The following MCOLN2 variants were observed in gnomAD, a reference collection of about 807,000 sequenced individuals.
MCOLN2 encodes the protein mucolipin TRP cation channel 2.
In MCOLN2, 57 loss-of-function variants were observed where a neutral mutation model predicts 67.5. The ratio of observed to expected loss-of-function variants is 0.84; its 90% CI spans 0.68 to 1.05. The LOEUF is 1.05. MCOLN2 is among the 50% of genes least tolerant of loss of function. The probability of loss-of-function intolerance (pLI) is 0.00; values close to 1 mark genes in which losing one functional copy is unlikely to be tolerated. For synonymous variants in MCOLN2, 246 were observed against 233.3 expected, an observed-to-expected ratio of 1.05 and a Z score of -0.50; for missense variants, 620 against 678.8, an observed-to-expected ratio of 0.91 and a Z score of 0.96.
At chr1:84,965,110 T>C (rs1649307120) in intron 2 of MCOLN2, among the ~76,000 whole-genome samples, 1 of 152,168 alleles carries the variant, frequency 6.6e-6, no homozygotes, top group African/African-American at 2.4e-5. Context: ...AAATGTAGCT[T>C]TTGTATAATC....
intron 1 of MCOLN2, among the ~76,000 whole-genome samples, chr1:84,969,223 T>C (rs1020016382): frequency 1.3e-5 from 2 of 152,126 alleles, no homozygotes; most frequent in Non-Finnish European, 2.9e-5. Context: ...TAGCAAATCA[T>C]TCAAACCCAA....
At chr1:84,948,161 C>T (rs987635910) in intron 6 of MCOLN2, among the ~76,000 whole-genome samples, 1 of 152,228 alleles carries the variant, frequency 6.6e-6, no homozygotes, top group Non-Finnish European at 1.5e-5. Context: ...ACCAGCTGGG[C>T]AGCAATTGCC....
chr1:84,979,817 C>A (rs1328413037), intron 1 of MCOLN2, among the ~76,000 whole-genome samples: 2 of 152,072 alleles, frequency 1.3e-5, no homozygotes, highest in Non-Finnish European at 2.9e-5. Context: ...ACTGGAAGTT[C>A]TAGCTAGAGC....
chr1:84,951,551 G>A (rs1055070195), intron 6 of MCOLN2, among the ~76,000 whole-genome samples: 40 of 152,170 alleles, frequency 2.6e-4, no homozygotes, highest in African/African-American at 8.9e-4. Flanking sequence ...TTTATGCCTC[G>A]AGGTTTGAAA....
At chr1:84,977,082 G>A (rs1650024569) in intron 1 of MCOLN2, among the ~76,000 whole-genome samples, 1 of 151,774 alleles carries the variant, frequency 6.6e-6, no homozygotes, top group Non-Finnish European at 1.5e-5. Context: ...ACAACAAAAA[G>A]TTTAATAGTT....
intron 8 of MCOLN2, among the ~76,000 whole-genome samples, chr1:84,940,542 A>G (rs1030426428): frequency 5.3e-5 from 8 of 152,216 alleles, no homozygotes; most frequent in African/African-American, 1.9e-4. Flanking sequence ...AAACCCACAC[A>G]TGCTATTACT....
chr1:84,980,345 A>C (rs1416319345), intron 1 of MCOLN2, among the ~76,000 whole-genome samples: 1 of 152,190 alleles, frequency 6.6e-6, no homozygotes, highest in Non-Finnish European at 1.5e-5. Context: ...CAAAGAACCC[A>C]GAATAGTCAA....
At chr1:84,941,362 T>C (rs1647770885) in intron 7 of MCOLN2, among the ~76,000 whole-genome samples, 1 of 152,110 alleles carries the variant, frequency 6.6e-6, no homozygotes, top group South Asian at 2.1e-4. Flanking sequence ...CCAGGTGTGG[T>C]GGCAGGCGCC....
At chr1:84,972,632 A>G (rs1243592039) in intron 1 of MCOLN2, among the ~76,000 whole-genome samples, 1 of 152,210 alleles carries the variant, frequency 6.6e-6, no homozygotes, top group African/African-American at 2.4e-5. Flanking sequence ...AATCAGGACT[A>G]TGAGGTTGGC....
intron 1 of MCOLN2, among the ~76,000 whole-genome samples, chr1:84,979,591 T>G (rs1650158928): frequency 6.6e-6 from 1 of 152,204 alleles, no homozygotes; most frequent in East Asian, 1.9e-4. Flanking sequence ...TCATTTCAAT[T>G]GATGCTGAAA....
intron 7 of MCOLN2, among the ~76,000 whole-genome samples, chr1:84,941,340 C>CA (rs1297569476): frequency 4.6e-5 from 7 of 151,894 alleles, no homozygotes; most frequent in African/African-American, 1.2e-4. Flanking sequence ...ACTAAAAATA[C>CA]AAAAAAATTA....
At chr1:84,964,927 G>A (rs760528622) in intron 2 of MCOLN2, among the ~76,000 whole-genome samples, 16 of 152,152 alleles carry the variant, frequency 1.1e-4, no homozygotes, top group Non-Finnish European at 2.1e-4. Flanking sequence ...CTCCTGCTGT[G>A]CAGCCTGGTT....
Position 84,939,654 on chromosome 1 carries a change from T to C in MCOLN2, c.1009A>G (p.Thr337Ala), listed in dbSNP as rs748567285. The change falls in exon 9 of 14, where the codon ACC (threonine) becomes GCC (alanine). Residue 337 changes from threonine (T) to alanine (A), a missense_variant. Thr to Ala is a moderately conservative substitution (Grantham distance 58). Coordinates refer to ENST00000370608, the MANE Select transcript of MCOLN2 (RefSeq NM_153259.4). ...CCGTTGATGAACTCCCACTGGTCGG[T>C]GTCACACACAGGCCGCTTGTACTTC... The part of the protein sequence containing the change: ...LEKYKRPVCD[T>A]DQWEFINGWY... 12 of 1,613,988 alleles carry C rather than the reference T, an allele frequency of 7.4e-6. No homozygotes were observed. The African/African-American group carries it at 1.2e-4, about 16-fold the overall frequency.
intron 1 of MCOLN2, among the ~76,000 whole-genome samples, chr1:84,975,457 G>A (rs1000347511): frequency 6.6e-6 from 1 of 152,174 alleles, no homozygotes; most frequent in Non-Finnish European, 1.5e-5. Flanking sequence ...GAGTCTATAA[G>A]AACCACAGCA....
chr1:84,927,335 C>T (rs1223813629), intron 13 of MCOLN2, among the ~76,000 whole-genome samples: 2 of 151,970 alleles, frequency 1.3e-5, no homozygotes, highest in Non-Finnish European at 2.9e-5. Context: ...CTAGAACAGC[C>T]AATTTTCCTC....
At chr1:84,975,909 C>T (rs1649971531) in intron 1 of MCOLN2, among the ~76,000 whole-genome samples, 1 of 151,972 alleles carries the variant, frequency 6.6e-6, no homozygotes, top group South Asian at 2.1e-4. Flanking sequence ...ATCAGAGTCT[C>T]TTAATGGCAG....
chr1:84,989,092 A>G (rs1650757344), intron 1 of MCOLN2, among the ~76,000 whole-genome samples: 1 of 152,168 alleles, frequency 6.6e-6, no homozygotes, highest in Non-Finnish European at 1.5e-5. Context: ...GGTCTCCCCT[A>G]CAATGGACTT....
chr1:84,980,655 C>T (rs1000889845), intron 1 of MCOLN2, among the ~76,000 whole-genome samples: 1 of 152,158 alleles, frequency 6.6e-6, no homozygotes, highest in African/African-American at 2.4e-5. Flanking sequence ...CCCTATCTAT[C>T]ACCATATACA....
intron 1 of MCOLN2, among the ~76,000 whole-genome samples, chr1:84,993,820 C>T (rs1055188956): frequency 3.8e-4 from 58 of 151,256 alleles, no homozygotes; most frequent in African/African-American, 1.3e-3. Context: ...TTAGTAGAGA[C>T]GGGGTTTCAC....
Sources: allele counts gnomAD v4.1 joint callset (sites outside exome capture counted in the v4.1 genomes callset), GRCh38; gene constraint gnomAD v4.1.1; transcripts MANE v1.5; gene names NCBI Gene and HGNC (gene_info 2026-07-23, HGNC 2026-07-21).